Variants in UCHL5 observed in about 807,000 individuals in gnomAD.
UCHL5 encodes ubiquitin C-terminal hydrolase L5.
UCHL5 carries 34 observed loss-of-function variants against 53.8 expected under a neutral mutation model. That is an observed-to-expected ratio of 0.63 (90% CI 0.48 to 0.84). The LOEUF is 0.84. Among genes scored for constraint, UCHL5 ranks in the 40% least tolerant of loss-of-function variants. The pLI, the probability that UCHL5 is intolerant of heterozygous loss-of-function variation, is 0.00. For missense variants in UCHL5, 290 were observed against 385.6 expected (o/e 0.75, Z 2.08); for synonymous variants, 111 against 126.3 (o/e 0.88, Z 0.81).
intron 3 of UCHL5, among the ~76,000 whole-genome samples, chr1:193,042,421 T>C (rs1316800326): frequency 6.6e-6 from 1 of 152,188 alleles, no homozygotes; most frequent in Non-Finnish European, 1.5e-5. Context: ...CATATATATG[T>C]GTTATTAACC....
At chr1:193,037,035 CA>C (rs1663775766) in intron 3 of UCHL5, among the ~76,000 whole-genome samples, 1 of 151,384 alleles carries the variant, frequency 6.6e-6, no homozygotes, top group Non-Finnish European at 1.5e-5. Flanking sequence ...GCGAAAATAT[CA>C]AAAAAGTAGA....
At chr1:193,034,288 A>G (rs1558074779) in intron 3 of UCHL5, among the ~76,000 whole-genome samples, 1 of 151,932 alleles carries the variant, frequency 6.6e-6, no homozygotes, top group Non-Finnish European at 1.5e-5. Flanking sequence ...AAAATAAAAT[A>G]AGATTTAAAA....
At chr1:193,036,407 A>G (rs1481817763) in intron 3 of UCHL5, among the ~76,000 whole-genome samples, 2 of 151,756 alleles carry the variant, frequency 1.3e-5, no homozygotes, top group Non-Finnish European at 3.0e-5. Flanking sequence ...AAAAACAGAC[A>G]GAGAAGGTCA....
Position 193,057,335 on chromosome 1 carries a change from G to A in UCHL5, c.76+1850C>T, listed in dbSNP as rs201485136. On this transcript the variant is annotated intron_variant, in intron 1 of 10. Transcript: ENST00000367454. ...CCTCTACTGTAAGGTTGGCAGCCCT[G>A]AGAACTCCTTTTTTAATTTAGCGTG... 2.1e-4 allele frequency: 35 copies of A among 166,276 alleles called. No individual in the cohort carries two copies. The East Asian group carries it at 5.0e-3, about 24-fold the overall frequency. 10.3% of individuals were successfully genotyped at this position (166,276 alleles called of 1,614,324 possible).
intron 3 of UCHL5, among the ~76,000 whole-genome samples, chr1:193,034,798 C>T (rs1662771379): frequency 6.6e-6 from 1 of 151,936 alleles, no homozygotes; most frequent in Non-Finnish European, 1.5e-5. Flanking sequence ...TTAGAAAAAT[C>T]CGAACATAAT....
intron 2 of UCHL5, 141 bp from the exon 3 acceptor site, chr1:193,049,992 G>T: frequency 1.6e-6 from 1 of 645,110 alleles, no homozygotes; most frequent in Non-Finnish European, 2.5e-6. Context: ...GATCACTATT[G>T]CCATTCATAG....
At position 193,051,476 on chromosome 1, in the gene UCHL5, TA is replaced by T. The variant is rs375074775; in HGVS notation, c.140+277del. Among the ~76,000 whole-genome samples the T allele has an allele frequency of 2.5e-3, 304 of 119,716 alleles. 1 individual carries two copies. The highest frequency in any genetic ancestry group is 0.016 in the East Asian group (65 of 4,100). 78.5% of individuals were successfully genotyped at this position (119,716 alleles called of 152,430 possible). On this transcript the variant is annotated intron_variant, in intron 2 of 10. Transcript: ENST00000367454. ...ACTATTGATATATAAGTGAATTTTG[TA>T]AAAAAAAAAAAAAAAAAAAATCAAC... is the stretch of plus-strand genomic sequence containing the variant.
At chr1:193,026,694 T>TAAA (rs80265801) in intron 7 of UCHL5, among the ~76,000 whole-genome samples, 3 of 141,682 alleles carry the variant, frequency 2.1e-5, no homozygotes, top group Non-Finnish European at 4.7e-5. Context: ...GGTAGTTTCT[T>TAAA]AAAAAAAAAA....
chr1:193,037,890 T>TTA (rs375291093), intron 3 of UCHL5, among the ~76,000 whole-genome samples: 1 of 118,862 alleles, frequency 8.4e-6, no homozygotes, highest in African/African-American at 3.3e-5. Context: ...CTTAAAGTAT[T>TTA]AAAAAAAAAA....
chr1:193,031,604 T>C (rs1571627637), intron 3 of UCHL5, among the ~76,000 whole-genome samples: 1 of 152,186 alleles, frequency 6.6e-6, no homozygotes, highest in Non-Finnish European at 1.5e-5. Flanking sequence ...CAAGTGGTTA[T>C]GCTATACATA....
At chr1:193,059,455 G>A (rs560261095), upstream of UCHL5, 2 of 1,609,466 alleles carry the variant, frequency 1.2e-6, no homozygotes, top group Non-Finnish European at 1.7e-6. This position sits in a 1 kb window ranked among gnomAD's most constrained non-coding sequence, Gnocchi z 4.9. Context: ...AGCCACCCTA[G>A]AGACATCGAA....
intron 10 of UCHL5, chr1:193,020,404 A>C (rs546470296): frequency 6.5e-7 from 1 of 1,546,818 alleles, no homozygotes; most frequent in East Asian, 2.5e-5. Context: ...GACCAGTTGC[A>C]TTAGAATCAC....
intron 8 of UCHL5, among the ~76,000 whole-genome samples, 173 bp downstream of exon 8, chr1:193,023,671 A>C (rs1205948987): frequency 6.6e-6 from 1 of 152,204 alleles, no homozygotes; most frequent in Non-Finnish European, 1.5e-5. Flanking sequence ...ATATACTCAG[A>C]TTCCTATATC....
At position 193,016,214 on chromosome 1, in the gene UCHL5, A is replaced by G; in HGVS notation, c.*137T>C. The G allele has an allele frequency of 1.1e-6, 1 of 905,248 alleles. No individual in the cohort carries two copies. Among genetic ancestry groups the G allele is most frequent in the Non-Finnish European group, 1.7e-6 (1 of 587,248 alleles). The allele number at this position is 905,248 out of a possible 1,614,324, so 56.1% of individuals were successfully genotyped here. ...AGGGAAGAAGTTTATGAATCCATGC[A>G]TTAAAGACAAGACAGGCTGGCACTA... is the stretch of plus-strand genomic sequence containing the variant. On this transcript the variant is annotated 3_prime_UTR_variant, in exon 11 of 11. Transcript: ENST00000367454.
intron 8 of UCHL5, 95 bp downstream of exon 8, chr1:193,023,749 T>C (rs1033469421): frequency 2.0e-6 from 2 of 976,852 alleles, no homozygotes; most frequent in Non-Finnish European, 3.1e-6. Context: ...TTAGCCACCA[T>C]TCAGACCACT....
intron 9 of UCHL5, among the ~76,000 whole-genome samples, chr1:193,022,076 T>A (rs1657238737): frequency 6.6e-6 from 1 of 152,078 alleles, no homozygotes; most frequent in Non-Finnish European, 1.5e-5. Flanking sequence ...GGAAAATAAT[T>A]GGGAAAGCTA....
intron 3 of UCHL5, among the ~76,000 whole-genome samples, chr1:193,041,579 A>G (rs2102682677): frequency 6.6e-6 from 1 of 152,354 alleles, no homozygotes; most frequent in Non-Finnish European, 1.5e-5. Flanking sequence ...ATTTCCTTCA[A>G]AAGTTGCACA....
chr1:193,029,793 T>C, intron 3 of UCHL5, 136 bp from the exon 4 acceptor site: 2 of 729,982 alleles, frequency 2.7e-6, no homozygotes, highest in Non-Finnish European at 4.1e-6. Context: ...AGAATAAATA[T>C]GTTTAATTTC....
rs942281575 is a variant in UCHL5 at position 193,013,301 on chromosome 1, G to A, written c.*3050C>T. On this transcript the variant is annotated 3_prime_UTR_variant, in exon 11 of 11. Coordinates refer to ENST00000367454, the MANE Select transcript of UCHL5 (RefSeq NM_001199261.3). The stretch of plus-strand genomic sequence containing the variant: ...TCTCTGGAGACTTAAGCTTGAAACC[G>A]CTCCTCCAAACCTTCCAATGATTTT... The A allele has an allele frequency of 1.3e-5, 2 of 152,086 alleles. No homozygotes were observed. Among genetic ancestry groups the A allele is most frequent in the Non-Finnish European group, 2.9e-5 (2 of 68,016 alleles). The allele number at this position is 152,086 out of a possible 1,614,324, so 9.4% of individuals were successfully genotyped here. A position where few individuals can be genotyped will look rare whatever the true frequency, so the allele number is the denominator to read the frequency against.
Sources: allele counts gnomAD v4.1 joint callset (sites outside exome capture counted in the v4.1 genomes callset), GRCh38; gene constraint gnomAD v4.1.1; non-coding constraint Gnocchi (gnomAD v3.1); transcripts MANE v1.5; gene names NCBI Gene and HGNC (gene_info 2026-07-23, HGNC 2026-07-21).